The following VPS33A variants were observed in gnomAD, a reference collection of about 807,000 sequenced individuals.
The protein encoded by VPS33A is vacuolar protein sorting-associated protein 33A.
VPS33A carries 32 observed loss-of-function variants against 71.8 expected under a neutral mutation model. The observed-to-expected ratio is 0.45, with a 90% CI of 0.34 to 0.60. The LOEUF (loss-of-function observed/expected upper bound fraction) is 0.60. VPS33A is among the 20% of genes least tolerant of loss of function. The pLI is 0.02. For synonymous variants in VPS33A, 311 were observed against 292.7 expected (o/e 1.06, Z -0.64); for missense variants, 625 against 748.5 (o/e 0.84, Z 1.92).
chr12:122,262,717 T>C (rs1300905647), intron 3 of VPS33A, among the ~76,000 whole-genome samples: 1 of 152,020 alleles, frequency 6.6e-6, no homozygotes, highest in African/African-American at 2.4e-5. Flanking sequence ...GTTTAAGCTT[T>C]TGGCTATCTT....
rs1954879777 is a variant in VPS33A, at chr12:122,253,981, A to C, written c.484-2882T>G. 2.0e-5 allele frequency among the ~76,000 whole-genome samples: 3 copies of C among 152,036 alleles called. No homozygotes were observed. The South Asian group carries it at 6.2e-4, about 32-fold the overall frequency. The stretch of plus-strand genomic sequence containing the variant: ...CCCAAAGTGCCACCACACCCAGCCC[A>C]ATACCCTTAACATTTAAATGCGCAT... On this transcript the variant is annotated intron_variant, in intron 4 of 12. Transcript: ENST00000267199.
intron 4 of VPS33A, among the ~76,000 whole-genome samples, chr12:122,254,114 C>T (rs1354936966): frequency 6.6e-6 from 1 of 152,128 alleles, no homozygotes; most frequent in African/African-American, 2.4e-5. Context: ...GCGTAAAGGC[C>T]ACAGTACCTT....
At chr12:122,234,582 G>A (rs774210238) in intron 11 of VPS33A, among the ~76,000 whole-genome samples, 15 of 152,186 alleles carry the variant, frequency 9.9e-5, no homozygotes, top group East Asian at 1.9e-4. Context: ...GTGAGCCACC[G>A]CGCCTGGCCA....
At chr12:122,233,952 A>T (rs1235672495) in intron 11 of VPS33A, among the ~76,000 whole-genome samples, 2 of 152,182 alleles carry the variant, frequency 1.3e-5, no homozygotes, top group Non-Finnish European at 2.9e-5. Context: ...ACCGGGAAAA[A>T]ATCATTTAAT....
In VPS33A at chr12:122,264,215, A is replaced by G. The variant is rs150673809; in HGVS notation, c.103-16T>C. On this transcript the variant is annotated splice_polypyrimidine_tract_variant and intron_variant, in intron 1 of 12. Transcript: ENST00000267199. Reference sequence around the variant, plus strand: ...AAACTATTGCCTGTAAGAGGGGAGAAACATTCTCTTATTATAGTTAATATC... The same window carrying G: ...AAACTATTGCCTGTAAGAGGGGAGAGACATTCTCTTATTATAGTTAATATC... 9.6e-4 allele frequency: 1,456 copies of G among 1,522,866 alleles called. 14 individuals carry two copies. In the African/African-American group the frequency reaches 0.018, roughly 19 times the overall value. The allele number at this position is 1,522,866 out of a possible 1,614,324, so 94.3% of individuals were successfully genotyped here. A position where few individuals can be genotyped will look rare whatever the true frequency, so the allele number is the denominator to read the frequency against.
chr12:122,251,259 C>T (rs557963514), intron 4 of VPS33A, among the ~76,000 whole-genome samples, 160 bp from the exon 5 acceptor site: 1 of 152,360 alleles, frequency 6.6e-6, no homozygotes, highest in South Asian at 2.1e-4. Context: ...TCCAAAACTG[C>T]TGCCTGTCAG....
chr12:122,240,913 T>C (rs1039531015), intron 8 of VPS33A: 2 of 152,154 alleles, frequency 1.3e-5, no homozygotes, highest in African/African-American at 4.8e-5. Flanking sequence ...GGCAGGCGGA[T>C]CACCTGAGGT....
intron 9 of VPS33A, 21 bp from the exon 10 acceptor site, chr12:122,238,745 A>C (rs748534627): frequency 6.3e-7 from 1 of 1,598,792 alleles, no homozygotes; most frequent in South Asian, 1.1e-5. Flanking sequence ...AGTAGCATAC[A>C]TATACATATA....
intron 10 of VPS33A, among the ~76,000 whole-genome samples, chr12:122,237,534 C>CTTTTTT (rs59918502): frequency 8.1e-5 from 9 of 111,788 alleles, no homozygotes; most frequent in African/African-American, 7.4e-5. Context: ...TAAAGTTTTT[C>CTTTTTT]TTTTTTTTTT....
At position 122,244,758 on chromosome 12, in the gene VPS33A, A is replaced by G; in HGVS notation, c.780T>C (p.Tyr260=). The G allele has an allele frequency of 6.2e-7, 1 of 1,612,060 alleles. No homozygotes were observed. The highest frequency in any genetic ancestry group is 1.3e-5 in the African/African-American group (1 of 75,030). ...IDEIYGIQNS[Y]VKLPPEKFAP... Reference sequence around the variant, plus strand: ...CAAATTTCTCTGGAGGTAATTTCACATAACCTGAGCAGCAGTGGAAGGGAA... The same window carrying G: ...CAAATTTCTCTGGAGGTAATTTCACGTAACCTGAGCAGCAGTGGAAGGGAA... Residue 260 remains tyrosine (Y), a synonymous_variant, in exon 7 of 13, where the codon TAT becomes TAC. Coordinates refer to ENST00000267199, the MANE Select transcript of VPS33A (RefSeq NM_022916.6).
chr12:122,237,047 TAAAA>T (rs928428090), intron 10 of VPS33A, among the ~76,000 whole-genome samples: 2 of 152,012 alleles, frequency 1.3e-5, no homozygotes, highest in African/African-American at 4.8e-5. Flanking sequence ...ATACATAACT[TAAAA>T]AAAGACAAAA....
intron 1 of VPS33A, among the ~76,000 whole-genome samples, chr12:122,264,455 A>G (rs1047416739): frequency 2.6e-5 from 4 of 152,094 alleles, no homozygotes; most frequent in Non-Finnish European, 5.9e-5. Flanking sequence ...CAGTGGTGTG[A>G]TATCAGCGTA....
intron 6 of VPS33A, among the ~76,000 whole-genome samples, chr12:122,245,812 T>C (rs1025466249): frequency 2.0e-5 from 3 of 152,202 alleles, no homozygotes; most frequent in African/African-American, 7.2e-5. Flanking sequence ...GTATTGTCTA[T>C]GGCTACTTTC....
chr12:122,239,469 C>T (rs756314133), intron 9 of VPS33A, among the ~76,000 whole-genome samples: 2 of 152,194 alleles, frequency 1.3e-5, no homozygotes, highest in African/African-American at 2.4e-5. Flanking sequence ...GGCGCAGTGA[C>T]TCACGCCTGT....
chr12:122,239,777 A>AAAAAAAAAAAAAAAAAAAAAAAC (rs1954688436), intron 9 of VPS33A, 101 bp downstream of exon 9: 1 of 626,768 alleles, frequency 1.6e-6, no homozygotes, highest in Non-Finnish European at 2.6e-6. Flanking sequence ...AAAAAAAAAA[A>AAAAAAAAAAAAAAAAAAAAAAAC]AAGGCAAGGC....
intron 9 of VPS33A, 82 bp from the exon 10 acceptor site, chr12:122,238,806 C>A (rs969577773): frequency 2.2e-4 from 236 of 1,084,632 alleles, no homozygotes; most frequent in African/African-American, 5.1e-4. Context: ...CACACACACA[C>A]AATACATGGT....
intron 4 of VPS33A, among the ~76,000 whole-genome samples, chr12:122,251,671 A>G (rs943224980): frequency 3.3e-5 from 5 of 152,088 alleles, no homozygotes; most frequent in Non-Finnish European, 7.4e-5. Context: ...AACTATCACA[A>G]GGACAAAAAA....
At chr12:122,236,025 G>A (rs1351314886) in intron 10 of VPS33A, 102 bp from the exon 11 acceptor site, 2 of 1,421,786 alleles carry the variant, frequency 1.4e-6, no homozygotes, top group African/African-American at 2.9e-5. Flanking sequence ...TTGTACTGCA[G>A]GACATGTTAC....
At chr12:122,246,601 T>C (rs1002433175) in intron 6 of VPS33A, among the ~76,000 whole-genome samples, 3 of 138,062 alleles carry the variant, frequency 2.2e-5, no homozygotes, top group African/African-American at 7.6e-5. Context: ...GTCCAGCCAC[T>C]TTTTGGTTTT....
Sources: allele counts gnomAD v4.1 joint callset (sites outside exome capture counted in the v4.1 genomes callset), GRCh38; gene constraint gnomAD v4.1.1; transcripts MANE v1.5; gene names NCBI Gene and HGNC (gene_info 2026-07-23, HGNC 2026-07-21).